WDR55: variants seen among roughly 807,000 people sequenced by gnomAD.
WDR55 encodes the protein WD repeat domain 55, also known as WD repeat-containing protein 55.
In WDR55, 31 loss-of-function variants were observed where a neutral mutation model predicts 34.0. The ratio of observed to expected loss-of-function variants is 0.91; its 90% CI spans 0.69 to 1.23. The LOEUF is 1.23. Ranked by LOEUF, WDR55 falls within the 50% of genes most tolerant of loss-of-function variation. The probability of loss-of-function intolerance (pLI) is 0.00; values close to 1 mark genes in which losing one functional copy is unlikely to be tolerated. For synonymous variants in WDR55, 164 were observed against 185.9 expected, an observed-to-expected ratio of 0.88 and a Z score of 0.96; for missense variants, 440 against 494.6, an observed-to-expected ratio of 0.89 and a Z score of 1.05.
In WDR55 at chr5:140,671,162, A is replaced by C; in HGVS notation, c.*1508A>C. On this transcript the variant is annotated 3_prime_UTR_variant, in exon 7 of 7. Transcript: ENST00000358337. ...GCCATAGGTCCCTGTCCCAGCAGGG[A>C]GGCTGATGGGCCTGGGCCCATGCCC... The C allele has an allele frequency of 8.6e-7, 1 of 1,169,540 alleles. No individual in the cohort carries two copies. Among genetic ancestry groups the C allele is most frequent in the Non-Finnish European group, 1.3e-6 (1 of 798,744 alleles). 72.4% of individuals were successfully genotyped at this position (1,169,540 alleles called of 1,614,324 possible).
chr5:140,668,179 T>C (rs1757967913), intron 1 of WDR55, 55 bp from the exon 2 acceptor site: 8 of 1,527,506 alleles, frequency 5.2e-6, no homozygotes, highest in Non-Finnish European at 7.0e-6. Flanking sequence ...GTCTCTGCAC[T>C]CAATGCAACC....
rs143236422 is a variant in WDR55 at position 140,669,783 on chromosome 5, G to A, written c.*129G>A. The A allele has an allele frequency of 2.4e-3, 2,314 of 965,112 alleles. 10 individuals are homozygous for A. Among genetic ancestry groups the A allele is most frequent in the Middle Eastern group, 0.011 (37 of 3,306 alleles). The allele number at this position is 965,112 out of a possible 1,614,324, so 59.8% of individuals were successfully genotyped here. Reference sequence around the variant, plus strand: ...TTTGCCATCGTCCAGGCTGGAGTGCGCTGGCTTGATCTTGGCTCACTGCAG... The same window carrying A: ...TTTGCCATCGTCCAGGCTGGAGTGCACTGGCTTGATCTTGGCTCACTGCAG... On this transcript the variant is annotated 3_prime_UTR_variant, in exon 7 of 7. Transcript: ENST00000358337.
Position 140,671,137 on chromosome 5 carries a change from GC to G in WDR55, c.*1485del. The G allele has an allele frequency of 1.1e-6, 1 of 920,554 alleles. No individual in the cohort carries two copies. The allele number at this position is 920,554 out of a possible 1,614,324, so 57.0% of individuals were successfully genotyped here. On this transcript the variant is annotated 3_prime_UTR_variant, in exon 7 of 7. Transcript: ENST00000358337. Reference sequence around the variant, plus strand: ...ACCCAAACCTAAGCTGCCCCCAGGTGCCATAGGTCCCTGTCCCAGCAGGGAG... The same window carrying G: ...ACCCAAACCTAAGCTGCCCCCAGGTGCATAGGTCCCTGTCCCAGCAGGGAG...
rs763192241 is a variant in WDR55 at position 140,664,977 on chromosome 5, T to A, written c.65T>A (p.Met22Lys). 1.9e-5 allele frequency: 30 copies of A among 1,613,432 alleles called. No homozygotes were observed. The East Asian group carries it at 6.2e-4, about 34-fold the overall frequency. ...AGCGACGAGGAGGACCCAGACTCCA[T>A]GGAAGCCCCAACCCGGATCCGGGAC... ...DGSDEEDPDS[M>K]EAPTRIRDTP... The change falls in exon 1 of 7, where the codon ATG becomes AAG. Residue 22 changes from methionine (M) to lysine (K), a missense_variant. Physicochemically the swap from Met to Lys is moderately conservative, Grantham distance 95. Coordinates refer to ENST00000358337, the MANE Select transcript of WDR55 (RefSeq NM_017706.5).
At position 140,664,973 on chromosome 5, in the gene WDR55, T is replaced by C. The variant is rs1281039153; in HGVS notation, c.61T>C (p.Ser21Pro). 2 of 1,613,274 alleles carry C rather than the reference T, an allele frequency of 1.2e-6. No homozygotes were observed. The highest frequency in any genetic ancestry group is 2.7e-5 in the African/African-American group (2 of 74,896). Reference protein sequence around the residue: ...EDGSDEEDPDSMEAPTRIRDT... With the variant: ...EDGSDEEDPDPMEAPTRIRDT... Reference sequence around the variant, plus strand: ...TGGGAGCGACGAGGAGGACCCAGACTCCATGGAAGCCCCAACCCGGATCCG... The same window carrying C: ...TGGGAGCGACGAGGAGGACCCAGACCCCATGGAAGCCCCAACCCGGATCCG... Residue 21 changes from serine to proline, a missense_variant, in exon 1 of 7, where the codon TCC becomes CCC. Coordinates refer to ENST00000358337, the MANE Select transcript of WDR55 (RefSeq NM_017706.5).
Position 140,671,186 on chromosome 5 carries a change from C to T in WDR55, c.*1532C>T. ...GAGGCTGATGGGCCTGGGCCCATGC[C>T]CCTCCCCACCTTTGGGGGTCAGAAA... On this transcript the variant is annotated 3_prime_UTR_variant, in exon 7 of 7. Transcript: ENST00000358337. The T allele has an allele frequency of 1.4e-6, 2 of 1,438,364 alleles. No homozygotes were observed. The highest frequency in any genetic ancestry group is 1.7e-5 in the Admixed American group (1 of 57,938). The allele number at this position is 1,438,364 out of a possible 1,614,324, so 89.1% of individuals were successfully genotyped here.
In WDR55 at chr5:140,671,346, C is replaced by G. The variant is rs1308355716; in HGVS notation, c.*1692C>G. ...GCCCCAGCAGACCACAGGAGGTTGG[C>G]CCCAGACTCACTGAGTGCCTGCAGC... is the stretch of plus-strand genomic sequence containing the variant. On this transcript the variant is annotated 3_prime_UTR_variant, in exon 7 of 7. Coordinates refer to ENST00000358337, the MANE Select transcript of WDR55 (RefSeq NM_017706.5). The G allele has an allele frequency of 1.1e-5, 17 of 1,612,734 alleles. No homozygotes were observed. The highest frequency in any genetic ancestry group is 1.4e-5 in the Non-Finnish European group (16 of 1,179,926).
intron 3 of WDR55, 51 bp from the exon 4 acceptor site, chr5:140,668,561 G>A (rs149703566): frequency 1.2e-6 from 2 of 1,609,934 alleles, no homozygotes; most frequent in Admixed American, 1.7e-5. Context: ...GGACCAGGAG[G>A]TCCCCACTGG....
intron 1 of WDR55, chr5:140,666,463 C>T (rs2149811292): frequency 4.7e-6 from 1 of 214,308 alleles, no homozygotes; most frequent in African/African-American, 2.3e-5. Flanking sequence ...CCTTTCCCCT[C>T]ACTTTTACCT....
chr5:140,669,542 C>T lies in WDR55; in HGVS notation c.1040C>T (p.Ala347Val), dbSNP rs1274645583. Residue 347 changes from alanine (A) to valine (V), a missense_variant, in exon 7 of 7, where the codon GCT (alanine) becomes GTT (valine). By Grantham distance (64) the Ala-to-Val change is moderately conservative (BLOSUM62 0). Transcript: ENST00000358337. ...RRKKKGGPLR[A>V]LSSKTWSTDD... ...AAAAAAAAGGGAGGACCACTGCGGG[C>T]TCTGAGCAGCAAGACTTGGAGCACC... 3 of 1,614,106 alleles carry T rather than the reference C, an allele frequency of 1.9e-6. No homozygotes were observed. In the South Asian group the frequency reaches 3.3e-5, roughly 18 times the overall value.
At position 140,671,241 on chromosome 5, in the gene WDR55, C is replaced by G; in HGVS notation, c.*1587C>G. 1.2e-6 allele frequency: 2 copies of G among 1,608,762 alleles called. No individual in the cohort carries two copies. The highest frequency in any genetic ancestry group is 1.7e-6 in the Non-Finnish European group (2 of 1,177,288). On this transcript the variant is annotated 3_prime_UTR_variant, in exon 7 of 7. Coordinates refer to ENST00000358337, the MANE Select transcript of WDR55 (RefSeq NM_017706.5). ...CCACCCAGGCCTGCTGGGATGGGGC[C>G]TGACACAGGCTCTGCATGCCCATTC...
Position 140,669,818 on chromosome 5 carries a change from C to T in WDR55, c.*164C>T. 1 of 694,598 alleles carries T rather than the reference C, an allele frequency of 1.4e-6. No individual in the cohort carries two copies. The highest frequency in any genetic ancestry group is 2.4e-6 in the Non-Finnish European group (1 of 417,086). 43.0% of individuals were successfully genotyped at this position (694,598 alleles called of 1,614,324 possible). A position where few individuals can be genotyped will look rare whatever the true frequency, so the allele number is the denominator to read the frequency against. ...TCTTGGCTCACTGCAGCCTCAATGTCCCCAGGCTCAGATTGTCCTTCCACC... is the reference window on the plus strand; with the variant it reads ...TCTTGGCTCACTGCAGCCTCAATGTTCCCAGGCTCAGATTGTCCTTCCACC... On this transcript the variant is annotated 3_prime_UTR_variant, in exon 7 of 7. Coordinates refer to ENST00000358337, the MANE Select transcript of WDR55 (RefSeq NM_017706.5).
At position 140,669,301 on chromosome 5, in the gene WDR55, C is replaced by T. The variant is rs752506038; in HGVS notation, c.831-32C>T. ...TCACAGGAAGGGCAGACCCAGCTAG[C>T]CAGTACTCAACACTGTTCTTTCCCT... On this transcript the variant is annotated intron_variant, in intron 6 of 6. Transcript: ENST00000358337. 4 of 1,612,348 alleles carry T rather than the reference C, an allele frequency of 2.5e-6. No homozygotes were observed. In the South Asian group the frequency reaches 4.4e-5, roughly 18 times the overall value.
Position 140,668,480 on chromosome 5 carries a change from A to G in WDR55, c.358A>G (p.Arg120Gly). ...VLDVEQGQLE[R>G]RVSKAHGAPI... Reference sequence around the variant, plus strand: ...AGATGTGGAGCAGGGCCAACTGGAAAGACGTGTTTCCAAGGCTCATGGGTA... The same window carrying G: ...AGATGTGGAGCAGGGCCAACTGGAAGGACGTGTTTCCAAGGCTCATGGGTA... Residue 120 changes from arginine to glycine, a missense_variant, in exon 3 of 7, where the codon AGA becomes GGA. Coordinates refer to ENST00000358337, the MANE Select transcript of WDR55 (RefSeq NM_017706.5). The G allele has an allele frequency of 1.9e-6, 3 of 1,614,170 alleles. No individual in the cohort carries two copies. Among genetic ancestry groups the G allele is most frequent in the Non-Finnish European group, 2.5e-6 (3 of 1,180,034 alleles).
chr5:140,669,343 A>G lies in WDR55; in HGVS notation c.841A>G (p.Ile281Val). The G allele has an allele frequency of 6.2e-7, 1 of 1,610,880 alleles. No homozygotes were observed. Among genetic ancestry groups the G allele is most frequent in the African/African-American group, 1.3e-5 (1 of 74,922 alleles). Residue 281 changes from isoleucine to valine, a missense_variant, in exon 7 of 7, where the codon ATC becomes GTC. By Grantham distance (29) the Ile-to-Val change is conservative. Coordinates refer to ENST00000358337, the MANE Select transcript of WDR55 (RefSeq NM_017706.5). The stretch of plus-strand genomic sequence containing the variant: ...TCTTTCCCTGCCCAGGGCTGTGAAC[A>G]TCCTACCGAACCGAGTGGTGGGCAG... ...STDGVIRAVN[I>V]LPNRVVGSVG...
chr5:140,672,321 T>C lies in WDR55; in HGVS notation c.*2667T>C, dbSNP rs1181975608. ...GAAGTTTTAAAAATCTGAGATCAAA[T>C]AGTAAAAGGTTGCAAATTCTGGCAT... On this transcript the variant is annotated 3_prime_UTR_variant, in exon 7 of 7. Transcript: ENST00000358337. 1.9e-6 allele frequency: 2 copies of C among 1,047,878 alleles called. No homozygotes were observed. Among genetic ancestry groups the C allele is most frequent in the Non-Finnish European group, 2.8e-6 (2 of 725,418 alleles). The allele number at this position is 1,047,878 out of a possible 1,614,324, so 64.9% of individuals were successfully genotyped here. A position where few individuals can be genotyped will look rare whatever the true frequency, so the allele number is the denominator to read the frequency against.
In WDR55 at chr5:140,668,882, T is replaced by G. The variant is rs1757988345; in HGVS notation, c.561-9T>G. ...CTTGCGTCTAAGCCTACTGCTCTAC[T>G]CTCTACAGCGGGGATGGCTGCCTTG... On this transcript the variant is annotated splice_polypyrimidine_tract_variant and intron_variant, in intron 4 of 6. Transcript: ENST00000358337. 3 of 1,614,062 alleles carry G rather than the reference T, an allele frequency of 1.9e-6. No individual in the cohort carries two copies. Among genetic ancestry groups the G allele is most frequent in the Non-Finnish European group, 8.5e-7 (1 of 1,180,034 alleles).
intron 1 of WDR55, among the ~76,000 whole-genome samples, chr5:140,666,037 G>A (rs1757914508): frequency 6.6e-6 from 1 of 151,968 alleles, no homozygotes; most frequent in Non-Finnish European, 1.5e-5. Flanking sequence ...TTAGGATTTA[G>A]TACAAATTTC....
In WDR55 at chr5:140,669,441, T is replaced by C. The variant is rs368070664; in HGVS notation, c.939T>C (p.Ser313=). 2 of 1,613,970 alleles carry C rather than the reference T, an allele frequency of 1.2e-6. No homozygotes were observed. Among genetic ancestry groups the C allele is most frequent in the Non-Finnish European group, 1.7e-6 (2 of 1,180,008 alleles). The part of the protein sequence containing the change: ...LSHCGRFLAS[S]GHDQRLKFWD... ...ACTGTGGCCGCTTCCTGGCCAGTAG[T>C]GGCCATGACCAGCGCCTCAAGTTTT... is the stretch of plus-strand genomic sequence containing the variant. The change falls in exon 7 of 7, where the codon AGT becomes AGC. Residue 313 remains serine, a synonymous_variant. Transcript: ENST00000358337.
Sources: gnomAD v4.1 joint callset for allele counts (sites outside exome capture counted in the v4.1 genomes callset) on GRCh38, gnomAD v4.1.1 for gene constraint, MANE v1.5 for transcripts, NCBI Gene and HGNC (gene_info 2026-07-23, HGNC 2026-07-21) for gene names.